CTXND1: variants seen among roughly 807,000 people sequenced by gnomAD.
The protein encoded by CTXND1 is cortexin domain containing 1, also known as cortexin domain-containing 1 protein.
rs1018291978 is a variant in CTXND1 at position 80,199,396 on chromosome 15, G to T, written c.*2374C>A. 6.6e-6 allele frequency: 1 copy of T among 152,168 alleles called. No individual in the cohort carries two copies. Among genetic ancestry groups the T allele is most frequent in the Non-Finnish European group, 1.5e-5 (1 of 68,034 alleles). The allele number at this position is 152,168 out of a possible 1,614,324, so 9.4% of individuals were successfully genotyped here. A position where few individuals can be genotyped will look rare whatever the true frequency, so the allele number is the denominator to read the frequency against. On this transcript the variant is annotated 3_prime_UTR_variant, in exon 3 of 3. Transcript: ENST00000560778. ...GAGCACCCTCTTTTTCACCCCTGAG[G>T]GTTCTAAAGTGTGTCGGGGAGGTCT...
chr15:80,208,996 A>C (rs1893178305), intron 1 of CTXND1, among the ~76,000 whole-genome samples: 1 of 152,212 alleles, frequency 6.6e-6, no homozygotes, highest in East Asian at 1.9e-4. Context: ...TCAAACCTTG[A>C]TTCTGAAATC....
At chr15:80,238,524 GC>G (rs1893529391) in intron 1 of CTXND1, among the ~76,000 whole-genome samples, 1 of 132,408 alleles carries the variant, frequency 7.6e-6, no homozygotes. Flanking sequence ...TTGCTCTGTT[GC>G]CCAGGCTGGA....
chr15:80,204,997 G>T (rs1893133809), intron 1 of CTXND1, among the ~76,000 whole-genome samples: 1 of 152,190 alleles, frequency 6.6e-6, no homozygotes, highest in South Asian at 2.1e-4. Flanking sequence ...CAGAGAGGAA[G>T]CTACTGTTGT....
chr15:80,239,262 T>C (rs948764571), intron 1 of CTXND1, among the ~76,000 whole-genome samples: 20 of 152,170 alleles, frequency 1.3e-4, no homozygotes, highest in African/African-American at 4.8e-4. Flanking sequence ...CACCTCTCCA[T>C]CCTATGCCCT....
chr15:80,246,134 ACTTAAAAAATAAATGGTAAACATTT>A (rs1351862186), intron 1 of CTXND1, among the ~76,000 whole-genome samples: 2 of 152,250 alleles, frequency 1.3e-5, no homozygotes, highest in African/African-American at 4.8e-5. Flanking sequence ...CAAAAAGTAC[ACTTAAAAAATAAATGGTAAACATTT>A]CTTGCTCTGA....
intron 1 of CTXND1, among the ~76,000 whole-genome samples, chr15:80,205,477 C>G (rs1893138436): frequency 6.6e-6 from 1 of 152,126 alleles, no homozygotes; most frequent in African/African-American, 2.4e-5. Context: ...GGATGGTTGT[C>G]CTACAGTTGA....
At chr15:80,235,105 G>A (rs896623257) in intron 1 of CTXND1, among the ~76,000 whole-genome samples, 5 of 152,168 alleles carry the variant, frequency 3.3e-5, no homozygotes, top group Non-Finnish European at 5.9e-5. Flanking sequence ...CTGGAGGGTT[G>A]TGGGGGAGGC....
chr15:80,247,936 G>A (rs928007156), intron 1 of CTXND1, among the ~76,000 whole-genome samples: 30 of 152,166 alleles, frequency 2.0e-4, no homozygotes, highest in African/African-American at 6.0e-4. Flanking sequence ...AATCTATAAT[G>A]ACAATTTGTC....
chr15:80,202,594 C>T (rs1163921327), intron 2 of CTXND1, among the ~76,000 whole-genome samples: 2 of 152,156 alleles, frequency 1.3e-5, no homozygotes, highest in African/African-American at 4.8e-5. Flanking sequence ...GGATTACAGG[C>T]GTGACCACTG....
intron 1 of CTXND1, among the ~76,000 whole-genome samples, chr15:80,205,338 AG>A (rs1289270859): frequency 7.9e-5 from 12 of 152,258 alleles, no homozygotes; most frequent in African/African-American, 2.9e-4. Flanking sequence ...CACATGTCTG[AG>A]TATGTCCGTA....
intron 1 of CTXND1, among the ~76,000 whole-genome samples, chr15:80,233,706 A>G (rs1893459280): frequency 6.6e-6 from 1 of 152,036 alleles, no homozygotes; most frequent in African/African-American, 2.4e-5. Flanking sequence ...CCCCACAGCG[A>G]CTCAGACAAA....
intron 1 of CTXND1, among the ~76,000 whole-genome samples, chr15:80,242,743 G>A (rs1893584684): frequency 6.6e-6 from 1 of 152,114 alleles, no homozygotes; most frequent in South Asian, 2.1e-4. Flanking sequence ...GCTACACTGG[G>A]GCTGCCTTTC....
At chr15:80,202,902 A>G (rs7180958) in intron 2 of CTXND1, among the ~76,000 whole-genome samples, 36,268 of 152,118 alleles carry the variant, frequency 0.24, 4,944 homozygotes, top group Middle Eastern at 0.33. Flanking sequence ...ACAGCTCTCA[A>G]TTATTGTTAG....
intron 1 of CTXND1, among the ~76,000 whole-genome samples, chr15:80,224,273 T>C (rs1017114619): frequency 6.6e-6 from 1 of 152,122 alleles, no homozygotes; most frequent in Non-Finnish European, 1.5e-5. Flanking sequence ...AGATCCTGAG[T>C]GAGAACAGCC....
intron 1 of CTXND1, among the ~76,000 whole-genome samples, chr15:80,220,262 G>T (rs1893301201): frequency 2.0e-5 from 3 of 151,804 alleles, no homozygotes; most frequent in Admixed American, 1.3e-4. Flanking sequence ...CATGTGGGGG[G>T]TTTATATTTA....
At chr15:80,213,402 A>G (rs1209776629) in intron 1 of CTXND1, among the ~76,000 whole-genome samples, 2 of 152,154 alleles carry the variant, frequency 1.3e-5, no homozygotes, top group African/African-American at 4.8e-5. Flanking sequence ...TATGGCAAAA[A>G]GGACCGTGCA....
intron 2 of CTXND1, among the ~76,000 whole-genome samples, chr15:80,202,847 G>A (rs568596590): frequency 1.1e-4 from 16 of 152,322 alleles, no homozygotes; most frequent in African/African-American, 2.9e-4. Flanking sequence ...TGGCAGTCAC[G>A]TGGAAGAGTC....
Position 80,245,338 on chromosome 15 carries a change from A to G in CTXND1, c.-218+6669T>C, listed in dbSNP as rs145144547. Among the ~76,000 whole-genome samples the G allele has an allele frequency of 6.4e-4, 97 of 152,282 alleles. 1 individual carries two copies. The East Asian group carries it at 0.018, about 28-fold the overall frequency. ...TGATGTAAACACTGTTCCCGAAGAG[A>G]CAGTTCTGGTTCTTTATTCATAAAT... On this transcript the variant is annotated intron_variant, in intron 1 of 2. Coordinates refer to ENST00000560778, the MANE Select transcript of CTXND1 (RefSeq NM_001352888.2).
At chr15:80,216,764 G>T (rs186994987) in intron 1 of CTXND1, among the ~76,000 whole-genome samples, 8 of 152,108 alleles carry the variant, frequency 5.3e-5, no homozygotes, top group African/African-American at 1.9e-4. Context: ...ACAGGGGCAC[G>T]CCACCATGCC....
Sources: allele counts gnomAD v4.1 joint callset (sites outside exome capture counted in the v4.1 genomes callset), GRCh38; gene constraint gnomAD v4.1.1; transcripts MANE v1.5; gene names NCBI Gene and HGNC (gene_info 2026-07-23, HGNC 2026-07-21).